The following KCNK2 variants were observed in gnomAD, a reference collection of about 807,000 sequenced individuals.
KCNK2 encodes potassium two pore domain channel subfamily K member 2.
In KCNK2, 21 loss-of-function variants were observed where a neutral mutation model predicts 40.5. The observed-to-expected ratio is 0.52, with a 90% confidence interval of 0.37 to 0.75. The LOEUF (loss-of-function observed/expected upper bound fraction) is 0.75, where lower values mean the gene tolerates loss of function less well. Ranked by LOEUF, KCNK2 falls within the 30% of genes least tolerant of loss-of-function variation. The pLI, the probability that KCNK2 is intolerant of heterozygous loss-of-function variation, is 0.00. For missense variants in KCNK2, 399 were observed against 531.6 expected (o/e 0.75, Z 2.45); for synonymous variants, 191 against 202.2 (o/e 0.94, Z 0.47).
At chr1:215,068,684 TTA>T (rs1361956231) in intron 1 of KCNK2, among the ~76,000 whole-genome samples, 1 of 151,998 alleles carries the variant, frequency 6.6e-6, no homozygotes, top group Non-Finnish European at 1.5e-5. Context: ...TCAGTCTTAA[TTA>T]AGATGAGCAT....
intron 3 of KCNK2, among the ~76,000 whole-genome samples, chr1:215,134,199 T>C (rs957306302): frequency 6.6e-6 from 1 of 152,174 alleles, no homozygotes; most frequent in African/African-American, 2.4e-5. Context: ...AGTTCTCCAC[T>C]GGACACCAGC....
At chr1:215,049,438 TG>T (rs1657902919) in intron 1 of KCNK2, among the ~76,000 whole-genome samples, 1 of 152,164 alleles carries the variant, frequency 6.6e-6, no homozygotes, top group Non-Finnish European at 1.5e-5. Context: ...TTCCAGTCTG[TG>T]GCTTGTCTTT....
Position 215,176,497 on chromosome 1 carries a change from C to A in KCNK2, c.823+4314C>A, listed in dbSNP as rs1419253623. Among the ~76,000 whole-genome samples, 6 of 152,200 alleles carry A rather than the reference C, an allele frequency of 3.9e-5. No homozygotes were observed. In the South Asian group the frequency reaches 6.2e-4, roughly 16 times the overall value. ...TCTTCCTGTTGCTTTCCCACCCCTGCACCGCTGACAGACCCCAGTGTGTGT... is the reference window on the plus strand; with the variant it reads ...TCTTCCTGTTGCTTTCCCACCCCTGAACCGCTGACAGACCCCAGTGTGTGT... On this transcript the variant is annotated intron_variant, in intron 5 of 6. Coordinates refer to ENST00000444842, the MANE Select transcript of KCNK2 (RefSeq NM_001017425.3).
intron 1 of KCNK2, among the ~76,000 whole-genome samples, chr1:215,038,655 A>G (rs947551072): frequency 6.6e-6 from 1 of 152,112 alleles, no homozygotes; most frequent in South Asian, 2.1e-4. Flanking sequence ...AATGGATTAT[A>G]CTTCTAGAAC....
chr1:215,083,764 T>C, intron 1 of KCNK2: 1 of 415,638 alleles, frequency 2.4e-6, no homozygotes, highest in Non-Finnish European at 4.4e-6. Flanking sequence ...CCGGTCACAC[T>C]TGTTGCCCAT....
intron 5 of KCNK2, among the ~76,000 whole-genome samples, chr1:215,185,841 G>T (rs1449847719): frequency 6.6e-6 from 1 of 152,166 alleles, no homozygotes; most frequent in Admixed American, 6.5e-5. Flanking sequence ...GCTCTGAGGA[G>T]GATCAGGGTT....
chr1:215,227,225 T>C (rs1666419576), intron 6 of KCNK2, among the ~76,000 whole-genome samples: 1 of 152,146 alleles, frequency 6.6e-6, no homozygotes, highest in Non-Finnish European at 1.5e-5. Flanking sequence ...TTGTAGTAAG[T>C]TGTGTTGAGC....
At chr1:215,037,664 C>A (rs1300605922) in intron 1 of KCNK2, among the ~76,000 whole-genome samples, 1 of 151,734 alleles carries the variant, frequency 6.6e-6, no homozygotes, top group Non-Finnish European at 1.5e-5. Context: ...TAGACTTTTC[C>A]TTGTGGGAGG....
intron 5 of KCNK2, among the ~76,000 whole-genome samples, chr1:215,178,116 T>C (rs1253239398): frequency 6.6e-6 from 1 of 152,092 alleles, no homozygotes; most frequent in Admixed American, 6.6e-5. Flanking sequence ...TTCCTGTTTT[T>C]TTGTGGCTAT....
intron 1 of KCNK2, among the ~76,000 whole-genome samples, chr1:215,065,070 G>T (rs998552359): frequency 1.3e-5 from 2 of 152,146 alleles, no homozygotes; most frequent in South Asian, 2.1e-4. Flanking sequence ...GTAGTTCTAA[G>T]CTGGGAAATT....
chr1:215,121,641 G>C (rs995050408), intron 2 of KCNK2, among the ~76,000 whole-genome samples: 17 of 152,154 alleles, frequency 1.1e-4, no homozygotes, highest in African/African-American at 3.9e-4. Context: ...ATAATAATGT[G>C]TCTCACTTTT....
At chr1:215,145,403 CT>C (rs559836811) in intron 3 of KCNK2, among the ~76,000 whole-genome samples, 343 of 152,206 alleles carry the variant, frequency 2.3e-3, no homozygotes, top group African/African-American at 8.1e-3. Context: ...AGCCTGAAGT[CT>C]TAACTGCTAT....
intron 2 of KCNK2, among the ~76,000 whole-genome samples, chr1:215,106,353 A>AT (rs1441532709): frequency 1.3e-5 from 2 of 151,952 alleles, no homozygotes; most frequent in East Asian, 1.9e-4. Context: ...AATGTTGAGC[A>AT]TTTTTTGTAT....
intron 4 of KCNK2, among the ~76,000 whole-genome samples, chr1:215,170,469 C>T (rs1663660063): frequency 6.6e-6 from 1 of 152,158 alleles, no homozygotes; most frequent in Admixed American, 6.5e-5. Context: ...TCTAGCACCA[C>T]TGTTGCAAAT....
intron 2 of KCNK2, among the ~76,000 whole-genome samples, chr1:215,123,933 A>C (rs1301018376): frequency 6.6e-6 from 1 of 152,174 alleles, no homozygotes; most frequent in East Asian, 1.9e-4. Flanking sequence ...TCTTTCTCTT[A>C]GTACTACTCA....
chr1:215,205,247 GA>G (rs1430417466), intron 6 of KCNK2, among the ~76,000 whole-genome samples: 9 of 152,034 alleles, frequency 5.9e-5, no homozygotes. Flanking sequence ...ATGGGAAGAA[GA>G]TTTTTTTTTG....
intron 1 of KCNK2, among the ~76,000 whole-genome samples, chr1:215,006,270 T>C (rs573839080): frequency 1.3e-5 from 2 of 152,350 alleles, no homozygotes; most frequent in Non-Finnish European, 2.9e-5. Context: ...TTCCATTGCA[T>C]TTAGATTCTG....
chr1:215,163,599 A>G (rs1289728297), intron 3 of KCNK2, among the ~76,000 whole-genome samples: 3 of 152,234 alleles, frequency 2.0e-5, no homozygotes, highest in African/African-American at 7.2e-5. Flanking sequence ...TTACATCGGT[A>G]TCCAGTTTAT....
intron 6 of KCNK2, among the ~76,000 whole-genome samples, chr1:215,231,179 G>A (rs1666648141): frequency 1.3e-5 from 2 of 152,106 alleles, no homozygotes; most frequent in African/African-American, 4.8e-5. Flanking sequence ...GATTCAAATT[G>A]CAATAAAGAG....
Sources: gnomAD v4.1 joint callset for allele counts (sites outside exome capture counted in the v4.1 genomes callset) on GRCh38, gnomAD v4.1.1 for gene constraint, MANE v1.5 for transcripts, NCBI Gene and HGNC (gene_info 2026-07-23, HGNC 2026-07-21) for gene names.